SLC9A7: variants seen among roughly 807,000 people sequenced by gnomAD.
SLC9A7 encodes solute carrier family 9 member A7.
Under a neutral mutation model 52.6 loss-of-function variants are expected in SLC9A7, and 19 were observed. The ratio of observed to expected loss-of-function variants is 0.36; its 90% CI spans 0.25 to 0.53. SLC9A7 has a LOEUF of 0.53. Ranked by LOEUF, SLC9A7 falls within the 20% of genes least tolerant of loss-of-function variation. The pLI, the probability that SLC9A7 is intolerant of heterozygous loss-of-function variation, is 0.91. For missense variants in SLC9A7, 455 were observed against 597.9 expected, an observed-to-expected ratio of 0.76 and a Z score of 2.49; for synonymous variants, 226 against 252.1, an observed-to-expected ratio of 0.90 and a Z score of 0.98.
chrX:46,643,575 C>A (rs1013381446), intron 11 of SLC9A7, among the ~76,000 whole-genome samples, 186 bp from the exon 12 acceptor site: 1 of 111,855 alleles, frequency 8.9e-6, no homozygotes, highest in African/African-American at 3.3e-5. Context: ...TTTTGCAAAA[C>A]TCCCCAACAC....
Position 46,731,814 on chromosome X carries a change from GA to G in SLC9A7, c.325+26890del, listed in dbSNP as rs200519017. 8.1e-3 allele frequency among the ~76,000 whole-genome samples: 882 copies of G among 108,375 alleles called. 5 individuals are homozygous for G. Among genetic ancestry groups the G allele is most frequent in the African/African-American group, 0.021 (621 of 29,923 alleles). 94.1% of individuals were successfully genotyped at this position (108,375 alleles called of 115,157 possible). On this transcript the variant is annotated intron_variant, in intron 1 of 16. Coordinates refer to ENST00000616978, the MANE Select transcript of SLC9A7 (RefSeq NM_001257291.2). ...CTCAAGAGAAAAGACAAGCCCATGG[GA>G]AAAAAAATAGACAAAGAATATAAGT...
At chrX:46,626,716 G>T (rs757941443) in intron 14 of SLC9A7, among the ~76,000 whole-genome samples, 1 of 111,969 alleles carries the variant, frequency 8.9e-6, no homozygotes, top group South Asian at 3.7e-4. Flanking sequence ...GATAGTGAGT[G>T]AGTTCTCACG....
intron 2 of SLC9A7, among the ~76,000 whole-genome samples, chrX:46,680,932 C>G (rs765742914): frequency 8.9e-6 from 1 of 112,020 alleles, no homozygotes; most frequent in East Asian, 2.8e-4. Context: ...TGAGAAGGAG[C>G]CTTGGACAGT....
rs1942652480 is a variant in SLC9A7 at position 46,600,987 on chromosome X, C to T, written c.*5965G>A. Reference sequence around the variant, plus strand: ...AGAATAGCTCAGAACTCAATGATACCAGTCTAATGTATATGAAAGACTTGT... The same window carrying T: ...AGAATAGCTCAGAACTCAATGATACTAGTCTAATGTATATGAAAGACTTGT... On this transcript the variant is annotated 3_prime_UTR_variant, in exon 17 of 17. Coordinates refer to ENST00000616978, the MANE Select transcript of SLC9A7 (RefSeq NM_001257291.2). 8.9e-6 allele frequency: 1 copy of T among 111,792 alleles called. No homozygotes were observed. The highest frequency in any genetic ancestry group is 3.3e-5 in the African/African-American group (1 of 30,762). 9.2% of individuals were successfully genotyped at this position (111,792 alleles called of 1,213,427 possible). A position where few individuals can be genotyped will look rare whatever the true frequency, so the allele number is the denominator to read the frequency against.
intron 14 of SLC9A7, among the ~76,000 whole-genome samples, chrX:46,626,011 A>C (rs1239972876): frequency 8.9e-6 from 1 of 111,781 alleles, no homozygotes; most frequent in Non-Finnish European, 1.9e-5. Context: ...AGGATGACAA[A>C]ACTGTATTGT....
chrX:46,638,334 C>T (rs1345367306), intron 12 of SLC9A7, among the ~76,000 whole-genome samples: 1 of 111,725 alleles, frequency 9.0e-6, no homozygotes, highest in Non-Finnish European at 1.9e-5. Flanking sequence ...CGAGCTGACA[C>T]ATATATATTT....
intron 1 of SLC9A7, among the ~76,000 whole-genome samples, chrX:46,726,832 G>C (rs61661644): frequency 0.017 from 1,920 of 111,211 alleles, 37 homozygotes; most frequent in African/African-American, 0.058. Flanking sequence ...GACTGCCACG[G>C]ATGATAGGCA....
At chrX:46,629,413 C>T (rs1943187351) in intron 14 of SLC9A7, among the ~76,000 whole-genome samples, 1 of 112,298 alleles carries the variant, frequency 8.9e-6, no homozygotes, top group South Asian at 3.6e-4. Flanking sequence ...TGCTTTCTCA[C>T]TCAAACATTT....
intron 1 of SLC9A7, among the ~76,000 whole-genome samples, chrX:46,693,060 T>G (rs1944402666): frequency 8.9e-6 from 1 of 112,199 alleles, no homozygotes; most frequent in South Asian, 3.7e-4. Context: ...GTAAGATTTA[T>G]ACACTGAAAA....
At chrX:46,713,615 T>G (rs1323797675) in intron 1 of SLC9A7, among the ~76,000 whole-genome samples, 2 of 110,379 alleles carry the variant, frequency 1.8e-5, no homozygotes, top group African/African-American at 6.6e-5. Flanking sequence ...ATTGAAAGTT[T>G]TTTCTGCGGA....
At chrX:46,755,504 G>A (rs1275641195) in intron 1 of SLC9A7, among the ~76,000 whole-genome samples, 3 of 111,105 alleles carry the variant, frequency 2.7e-5, no homozygotes, top group Admixed American at 9.6e-5. Context: ...GGGAGAAGTA[G>A]GCGTCAAATT....
At chrX:46,627,232 C>A (rs1048912477) in intron 14 of SLC9A7, among the ~76,000 whole-genome samples, 2 of 110,333 alleles carry the variant, frequency 1.8e-5, no homozygotes, top group Admixed American at 9.5e-5. Context: ...GAGGATCCCT[C>A]GGGCCCAAGA....
In SLC9A7 at chrX:46,651,227, C is replaced by T. The variant is rs1033743965; in HGVS notation, c.1237-4G>A. On this transcript the variant is annotated splice_polypyrimidine_tract_variant and splice_region_variant and intron_variant, in intron 9 of 16. Coordinates refer to ENST00000616978, the MANE Select transcript of SLC9A7 (RefSeq NM_001257291.2). ...GGAAATGTAACACCTCAAAGAGCTGCACAGAGAAGGGAAAAGGAAGCTGTA... is the reference window on the plus strand; with the variant it reads ...GGAAATGTAACACCTCAAAGAGCTGTACAGAGAAGGGAAAAGGAAGCTGTA... 2 of 1,191,855 alleles carry T rather than the reference C, an allele frequency of 1.7e-6. No individual in the cohort carries two copies. Among genetic ancestry groups the T allele is most frequent in the African/African-American group, 1.8e-5 (1 of 57,092 alleles).
intron 1 of SLC9A7, among the ~76,000 whole-genome samples, chrX:46,709,237 C>G (rs1944651808): frequency 9.1e-6 from 1 of 109,721 alleles, no homozygotes; most frequent in South Asian, 4.0e-4. Context: ...AACTCTGTCT[C>G]TGTAAAAAAA....
intron 1 of SLC9A7, among the ~76,000 whole-genome samples, chrX:46,705,070 C>T (rs776819659): frequency 2.2e-4 from 25 of 111,685 alleles, no homozygotes; most frequent in Non-Finnish European, 3.6e-4. Context: ...AAAGAGGAGG[C>T]GTGAAGTATA....
intron 1 of SLC9A7, among the ~76,000 whole-genome samples, chrX:46,751,639 C>T (rs1339358193): frequency 9.0e-6 from 1 of 110,632 alleles, no homozygotes; most frequent in African/African-American, 3.3e-5. Context: ...GAAACCCTGT[C>T]TCTACAAAAA....
chrX:46,705,634 A>T (rs1944592696), intron 1 of SLC9A7, among the ~76,000 whole-genome samples: 1 of 111,705 alleles, frequency 9.0e-6, no homozygotes, highest in Non-Finnish European at 1.9e-5. Flanking sequence ...CAGGAGTTTG[A>T]GCCTAGCCTG....
At chrX:46,615,688 CTA>C (rs1000543738) in intron 15 of SLC9A7, among the ~76,000 whole-genome samples, 1 of 107,912 alleles carries the variant, frequency 9.3e-6, no homozygotes, top group Non-Finnish European at 1.9e-5. Context: ...AACCAGTAAG[CTA>C]TATATATGTT....
At chrX:46,656,431 G>A (rs1273812084) in intron 7 of SLC9A7, among the ~76,000 whole-genome samples, 9 of 112,556 alleles carry the variant, frequency 8.0e-5, no homozygotes, top group South Asian at 3.6e-4. Context: ...TCTGAGCTAC[G>A]GGAGGACATT....
Sources: allele counts gnomAD v4.1 joint callset (sites outside exome capture counted in the v4.1 genomes callset), GRCh38; gene constraint gnomAD v4.1.1; transcripts MANE v1.5; gene names NCBI Gene and HGNC (gene_info 2026-07-23, HGNC 2026-07-21).